SFT2D2: variants seen among roughly 807,000 people sequenced by gnomAD.
The protein encoded by SFT2D2 is SFT2 domain containing 2, also known as vesicle transport protein SFT2B.
Under a neutral mutation model 27.4 loss-of-function variants are expected in SFT2D2, and 21 were observed. The ratio of observed to expected loss-of-function variants is 0.77; its 90% CI spans 0.54 to 1.10. The LOEUF (loss-of-function observed/expected upper bound fraction) is 1.10. SFT2D2 is among the 50% of genes least tolerant of loss of function. SFT2D2 has a pLI of 0.00. For missense variants in SFT2D2, 187 were observed against 194.2 expected, an observed-to-expected ratio of 0.96 and a Z score of 0.22; for synonymous variants, 72 against 71.7, an observed-to-expected ratio of 1.00 and a Z score of -0.02.
intron 3 of SFT2D2, among the ~76,000 whole-genome samples, chr1:168,232,798 A>T (rs1420432583): frequency 6.6e-6 from 1 of 152,154 alleles, no homozygotes; most frequent in Non-Finnish European, 1.5e-5. Flanking sequence ...ATAACTCATG[A>T]TATAACAAGA....
At position 168,242,783 on chromosome 1, in the gene SFT2D2, G is replaced by A. The variant is rs1647683878; in HGVS notation, c.*243G>A. On this transcript the variant is annotated 3_prime_UTR_variant, in exon 8 of 8. Transcript: ENST00000271375. ...TCTTGTGGAGTGGAATCTTCCTCATGTACCTGTTTCCTCTCTGGATGTTGT... is the reference window on the plus strand; with the variant it reads ...TCTTGTGGAGTGGAATCTTCCTCATATACCTGTTTCCTCTCTGGATGTTGT... 25 of 525,666 alleles carry A rather than the reference G, an allele frequency of 4.8e-5. 1 individual carries two copies. The South Asian group carries it at 5.3e-4, about 11-fold the overall frequency. The allele number at this position is 525,666 out of a possible 1,614,324, so 32.6% of individuals were successfully genotyped here.
chr1:168,242,479 C>G (rs1232256831), intron 7 of SFT2D2, 22 bp from the exon 8 acceptor site: 2 of 1,613,746 alleles, frequency 1.2e-6, no homozygotes, highest in Admixed American at 1.7e-5. Context: ...TTCCACTCAT[C>G]TTTGTGTCTT....
Position 168,245,784 on chromosome 1 carries a change from A to C in SFT2D2, c.*3244A>C, listed in dbSNP as rs149972832. On this transcript the variant is annotated 3_prime_UTR_variant, in exon 8 of 8. Coordinates refer to ENST00000271375, the MANE Select transcript of SFT2D2 (RefSeq NM_199344.3). ...ATTTCTGTAGTTTCATTTTCTTGCA[A>C]TAACTGCTGCATCAAACTTGAACTT... 1.8e-3 allele frequency: 271 copies of C among 152,712 alleles called. 1 individual carries two copies. Among genetic ancestry groups the C allele is most frequent in the Non-Finnish European group, 3.2e-3 (216 of 68,312 alleles). The allele number at this position is 152,712 out of a possible 1,614,324, so 9.5% of individuals were successfully genotyped here.
intron 7 of SFT2D2, 39 bp from the exon 8 acceptor site, chr1:168,242,462 G>A (rs1202706103): frequency 6.2e-7 from 1 of 1,613,512 alleles, no homozygotes; most frequent in Admixed American, 1.7e-5. Context: ...CCTTTGGGGT[G>A]ATGACGTTCC....
rs928184716 is a variant in SFT2D2 at position 168,251,492 on chromosome 1, G to T, written c.*8952G>T. On this transcript the variant is annotated 3_prime_UTR_variant, in exon 8 of 8. Coordinates refer to ENST00000271375, the MANE Select transcript of SFT2D2 (RefSeq NM_199344.3). ...AATTGGGAAATTGAAGGGCAGCCCA[G>T]TGGCTATGGATTCTATTTTCTATGG... 6.6e-6 allele frequency: 1 copy of T among 152,178 alleles called. No homozygotes were observed. The highest frequency in any genetic ancestry group is 1.5e-5 in the Non-Finnish European group (1 of 68,040). 9.4% of individuals were successfully genotyped at this position (152,178 alleles called of 1,614,324 possible).
intron 4 of SFT2D2, among the ~76,000 whole-genome samples, chr1:168,236,323 G>A (rs1441842706): frequency 2.0e-5 from 3 of 152,194 alleles, no homozygotes; most frequent in Non-Finnish European, 4.4e-5. Flanking sequence ...ATGAATGGGT[G>A]GGCCTGAAAT....
chr1:168,226,757 A>G (rs1700464823), intron 1 of SFT2D2, among the ~76,000 whole-genome samples: 1 of 152,100 alleles, frequency 6.6e-6, no homozygotes. Context: ...GCCCACAACT[A>G]GTCTCTAGAC....
Position 168,243,344 on chromosome 1 carries a change from G to C in SFT2D2, c.*804G>C, listed in dbSNP as rs888396105. 1 of 151,346 alleles carries C rather than the reference G, an allele frequency of 6.6e-6. No homozygotes were observed. Among genetic ancestry groups the C allele is most frequent in the African/African-American group, 2.4e-5 (1 of 41,126 alleles). The allele number at this position is 151,346 out of a possible 1,614,324, so 9.4% of individuals were successfully genotyped here. A position where few individuals can be genotyped will look rare whatever the true frequency, so the allele number is the denominator to read the frequency against. On this transcript the variant is annotated 3_prime_UTR_variant, in exon 8 of 8. Transcript: ENST00000271375. The stretch of plus-strand genomic sequence containing the variant: ...GAGCCCATAGGAGTTGAAAAATCCT[G>C]CTGCTCTCAGCTATATTTTTTTCTC...
rs1369193272 is a variant in SFT2D2 at position 168,239,955 on chromosome 1, C to T, written c.443+795C>T. Among the ~76,000 whole-genome samples, 3 of 151,610 alleles carry T rather than the reference C, an allele frequency of 2.0e-5. No individual in the cohort carries two copies. The East Asian group carries it at 5.8e-4, about 29-fold the overall frequency. On this transcript the variant is annotated intron_variant, in intron 7 of 7. Coordinates refer to ENST00000271375, the MANE Select transcript of SFT2D2 (RefSeq NM_199344.3). ...CTTTGGGAGGCCGAGGCGGGTGGATCCTGCTGTCAGGAGATCGAGACCATC... is the reference window on the plus strand; with the variant it reads ...CTTTGGGAGGCCGAGGCGGGTGGATTCTGCTGTCAGGAGATCGAGACCATC...
intron 1 of SFT2D2, 107 bp downstream of exon 1, chr1:168,226,249 G>T: frequency 5.2e-6 from 5 of 961,688 alleles, no homozygotes; most frequent in Non-Finnish European, 7.4e-6. Context: ...CTGGACGGTA[G>T]CTCTGCCCCT....
chr1:168,240,859 C>T (rs1430813973), intron 7 of SFT2D2, among the ~76,000 whole-genome samples: 1 of 152,016 alleles, frequency 6.6e-6, no homozygotes, highest in East Asian at 1.9e-4. Flanking sequence ...TTGCACTGAG[C>T]CGAGATCACG....
chr1:168,229,274 C>CAGTGGCTCG (rs1700489724), intron 1 of SFT2D2, among the ~76,000 whole-genome samples: 1 of 152,210 alleles, frequency 6.6e-6, no homozygotes, highest in South Asian at 2.1e-4. Context: ...GGCTGGAGTG[C>CAGTGGCTCG]AGTGGCTCGA....
chr1:168,241,433 T>C (rs1281713292), intron 7 of SFT2D2, among the ~76,000 whole-genome samples: 1 of 151,988 alleles, frequency 6.6e-6, no homozygotes, highest in Non-Finnish European at 1.5e-5. Flanking sequence ...CCTCAAGTGA[T>C]TGGCCCACCT....
In SFT2D2 at chr1:168,246,460, T is replaced by C. The variant is rs2102336264; in HGVS notation, c.*3920T>C. 2 of 1,281,978 alleles carry C rather than the reference T, an allele frequency of 1.6e-6. No homozygotes were observed. The highest frequency in any genetic ancestry group is 2.7e-5 in the South Asian group (2 of 74,726). 79.4% of individuals were successfully genotyped at this position (1,281,978 alleles called of 1,614,324 possible). On this transcript the variant is annotated 3_prime_UTR_variant, in exon 8 of 8. Coordinates refer to ENST00000271375, the MANE Select transcript of SFT2D2 (RefSeq NM_199344.3). Reference sequence around the variant, plus strand: ...CGTTTGGTTTAGCTCTCTTTGTATGTGTTCAAAAACCAAAGCGTTTTCTTT... The same window carrying C: ...CGTTTGGTTTAGCTCTCTTTGTATGCGTTCAAAAACCAAAGCGTTTTCTTT...
At position 168,248,189 on chromosome 1, in the gene SFT2D2, C is replaced by T. The variant is rs1232711125; in HGVS notation, c.*5649C>T. 1 of 152,122 alleles carries T rather than the reference C, an allele frequency of 6.6e-6. No homozygotes were observed. The highest frequency in any genetic ancestry group is 2.4e-5 in the African/African-American group (1 of 41,412). 9.4% of individuals were successfully genotyped at this position (152,122 alleles called of 1,614,324 possible). A position where few individuals can be genotyped will look rare whatever the true frequency, so the allele number is the denominator to read the frequency against. ...TTGGTTTAATTAGATCTCATTTTGT[C>T]TATTTTGGCTTTTGTTGCCATTGCT... On this transcript the variant is annotated 3_prime_UTR_variant, in exon 8 of 8. Coordinates refer to ENST00000271375, the MANE Select transcript of SFT2D2 (RefSeq NM_199344.3).
At chr1:168,235,058 AGTTCT>A in intron 3 of SFT2D2, 38 bp from the exon 4 acceptor site, 1 of 1,555,198 alleles carries the variant, frequency 6.4e-7, no homozygotes, top group South Asian at 1.1e-5. Flanking sequence ...TGCCTAGTGC[AGTTCT>A]GTTCTGAACG....
chr1:168,241,205 C>CTTTTTT lies in SFT2D2; in HGVS notation c.444-1281_444-1276dup, dbSNP rs11387591. Reference sequence around the variant, plus strand: ...CAGAGCTAGATCCCACCCTTCTATTCTTTTTTTTTTTTTTTTTTTTGAGAT... The same window carrying CTTTTTT: ...CAGAGCTAGATCCCACCCTTCTATTCTTTTTTTTTTTTTTTTTTTTTTTTTTGAGAT... On this transcript the variant is annotated intron_variant, in intron 7 of 7. Coordinates refer to ENST00000271375, the MANE Select transcript of SFT2D2 (RefSeq NM_199344.3). 1.6e-3 allele frequency among the ~76,000 whole-genome samples: 158 copies of CTTTTTT among 100,124 alleles called. 5 individuals carry two copies. Among genetic ancestry groups the CTTTTTT allele is most frequent in the Non-Finnish European group, 2.1e-3 (110 of 53,020 alleles). 65.7% of individuals were successfully genotyped at this position (100,124 alleles called of 152,430 possible).
chr1:168,226,032 G>GC lies in SFT2D2; in HGVS notation c.-47dup, dbSNP rs1700454134. ...CGGAAGAGCCGTCAACTTAGCGAGCGCAACAGGCTGCCGCTGAGGAGCTGG... is the reference window on the plus strand; with the variant it reads ...CGGAAGAGCCGTCAACTTAGCGAGCGCCAACAGGCTGCCGCTGAGGAGCTGG... On this transcript the variant is annotated 5_prime_UTR_variant, in exon 1 of 8. Transcript: ENST00000271375. 19 of 1,463,662 alleles carry GC rather than the reference G, an allele frequency of 1.3e-5. No homozygotes were observed. Among genetic ancestry groups the GC allele is most frequent in the Non-Finnish European group, 1.5e-5 (17 of 1,099,600 alleles). 90.7% of individuals were successfully genotyped at this position (1,463,662 alleles called of 1,614,324 possible). A position where few individuals can be genotyped will look rare whatever the true frequency, so the allele number is the denominator to read the frequency against.
Position 168,235,116 on chromosome 1 carries a change from G to A in SFT2D2, c.252G>A (p.Met84Ile). 1.2e-6 allele frequency: 2 copies of A among 1,614,158 alleles called. No homozygotes were observed. The highest frequency in any genetic ancestry group is 1.7e-6 in the Non-Finnish European group (2 of 1,180,018). Reference sequence around the variant, plus strand: ...TGCCTTTTAGTACCATCTTCCTCATGGGACCAGTGAAACAGCTGAAGCGAA... The same window carrying A: ...TGCCTTTTAGTACCATCTTCCTCATAGGACCAGTGAAACAGCTGAAGCGAA... ...IASIGSTIFL[M>I]GPVKQLKRMF... Residue 84 changes from methionine (M) to isoleucine (I), a missense_variant, in exon 4 of 8, where the codon ATG becomes ATA. Coordinates refer to ENST00000271375, the MANE Select transcript of SFT2D2 (RefSeq NM_199344.3).
Sources: gnomAD v4.1 joint callset for allele counts (sites outside exome capture counted in the v4.1 genomes callset) on GRCh38, gnomAD v4.1.1 for gene constraint, MANE v1.5 for transcripts, NCBI Gene and HGNC (gene_info 2026-07-23, HGNC 2026-07-21) for gene names.